The following FARP1 variants were observed in gnomAD, a reference collection of about 807,000 sequenced individuals.
FARP1 encodes FERM, ARHGEF and pleckstrin domain-containing protein 1.
In FARP1, 52 loss-of-function variants were observed where a neutral mutation model predicts 128.8. The observed-to-expected ratio is 0.40, with a 90% CI of 0.32 to 0.51. FARP1 has a LOEUF of 0.51. FARP1 is among the 20% of genes least tolerant of loss of function. The pLI is 0.45. For missense variants in FARP1, 1,333 were observed against 1,367.9 expected (o/e 0.97, Z 0.40); for synonymous variants, 580 against 551.8 (o/e 1.05, Z -0.72).
chr13:98,290,914 C>T (rs1044682864), intron 2 of FARP1, among the ~76,000 whole-genome samples: 2 of 152,052 alleles, frequency 1.3e-5, no homozygotes, highest in Non-Finnish European at 2.9e-5. Flanking sequence ...AACATTAGCC[C>T]CTGAATTTTA....
At chr13:98,202,056 C>T (rs1440631690) in intron 1 of FARP1, among the ~76,000 whole-genome samples, 2 of 152,230 alleles carry the variant, frequency 1.3e-5, no homozygotes, top group African/African-American at 4.8e-5. Flanking sequence ...TTTGAACTTT[C>T]TCAAAACCCC....
chr13:98,352,308 C>T (rs1888468796), intron 3 of FARP1, among the ~76,000 whole-genome samples: 1 of 152,158 alleles, frequency 6.6e-6, no homozygotes, highest in South Asian at 2.1e-4. Context: ...CACTGGAAAT[C>T]ACAGGGAAAT....
At chr13:98,207,541 C>G (rs964828226) in intron 1 of FARP1, among the ~76,000 whole-genome samples, 2 of 151,938 alleles carry the variant, frequency 1.3e-5, no homozygotes, top group Non-Finnish European at 2.9e-5. Flanking sequence ...CTGCCGTCAT[C>G]GGCTCCCTGG....
chr13:98,444,562 T>C (rs1332114684), intron 24 of FARP1, among the ~76,000 whole-genome samples: 1 of 152,128 alleles, frequency 6.6e-6, no homozygotes, highest in Non-Finnish European at 1.5e-5. Flanking sequence ...CGTAACACGC[T>C]GGAGGCCAGG....
At chr13:98,438,305 T>G (rs1037038493) in intron 19 of FARP1, among the ~76,000 whole-genome samples, 1 of 152,156 alleles carries the variant, frequency 6.6e-6, no homozygotes, top group Non-Finnish European at 1.5e-5. Flanking sequence ...AGTGCTCCCA[T>G]GTGGCCTCTC....
At position 98,453,271 on chromosome 13, in the gene FARP1, C is replaced by T. The variant is rs1893286749; in HGVS notation, c.*4954C>T. 1 of 1,518,806 alleles carries T rather than the reference C, an allele frequency of 6.6e-7. No individual in the cohort carries two copies. The highest frequency in any genetic ancestry group is 1.4e-5 in the African/African-American group (1 of 71,546). The allele number at this position is 1,518,806 out of a possible 1,614,324, so 94.1% of individuals were successfully genotyped here. A position where few individuals can be genotyped will look rare whatever the true frequency, so the allele number is the denominator to read the frequency against. On this transcript the variant is annotated 3_prime_UTR_variant, in exon 27 of 27. Coordinates refer to ENST00000319562, the MANE Select transcript of FARP1 (RefSeq NM_005766.4). Reference sequence around the variant, plus strand: ...CATTTCTCATCCCTGTGCAAAAATTCATATAGTAACCAAAATCTTAGTTTT... The same window carrying T: ...CATTTCTCATCCCTGTGCAAAAATTTATATAGTAACCAAAATCTTAGTTTT...
chr13:98,403,606 C>G (rs1420417469), intron 13 of FARP1: 1 of 152,110 alleles, frequency 6.6e-6, no homozygotes, highest in Non-Finnish European at 1.5e-5. Context: ...TTCTGATGGC[C>G]AAGGAGCTGT....
At chr13:98,417,736 A>G (rs1891441944) in intron 16 of FARP1, among the ~76,000 whole-genome samples, 1 of 152,232 alleles carries the variant, frequency 6.6e-6, no homozygotes, top group Admixed American at 6.5e-5. Flanking sequence ...AGGGAGCAGC[A>G]TTGTGTTGCC....
chr13:98,394,315 G>T (rs1890427199), intron 12 of FARP1, among the ~76,000 whole-genome samples: 1 of 152,156 alleles, frequency 6.6e-6, no homozygotes, highest in African/African-American at 2.4e-5. Flanking sequence ...TATAAAGGAG[G>T]TTTCATCGTG....
At chr13:98,232,873 C>G (rs1318798712) in intron 2 of FARP1, among the ~76,000 whole-genome samples, 1 of 152,176 alleles carries the variant, frequency 6.6e-6, no homozygotes, top group Non-Finnish European at 1.5e-5. Flanking sequence ...AAATCAATCT[C>G]TAATGGTTTC....
chr13:98,411,761 G>C (rs1292933626), intron 15 of FARP1, 140 bp from the exon 16 acceptor site: 1 of 843,536 alleles, frequency 1.2e-6, no homozygotes, highest in East Asian at 2.5e-5. Context: ...GGGCAGCCCC[G>C]TGTTCCTGAA....
Position 98,440,773 on chromosome 13 carries a change from G to T in FARP1, c.2733G>T (p.Met911Ile). Reference sequence around the variant, plus strand: ...AGGCCCCGCACCGCGGCAACACAATGGTGCACGTGTGCTGGCACCGCAACA... The same window carrying T: ...AGGCCCCGCACCGCGGCAACACAATTGTGCACGTGTGCTGGCACCGCAACA... ...ERQAPHRGNT[M>I]VHVCWHRNTS... The change falls in exon 24 of 27, where the codon ATG (methionine) becomes ATT (isoleucine). Residue 911 changes from methionine (M) to isoleucine (I), a missense_variant. Physicochemically the swap from Met to Ile is conservative, Grantham distance 10. This residue lies in a region of FARP1 where 1,009 missense variants were observed against 969.8 expected (regional missense o/e 1.04). Coordinates refer to ENST00000319562, the MANE Select transcript of FARP1 (RefSeq NM_005766.4). 1 of 1,613,240 alleles carries T rather than the reference G, an allele frequency of 6.2e-7. No homozygotes were observed. Among genetic ancestry groups the T allele is most frequent in the Non-Finnish European group, 8.5e-7 (1 of 1,179,932 alleles).
At chr13:98,224,526 C>CAA (rs1203238924) in intron 2 of FARP1, among the ~76,000 whole-genome samples, 585 of 50,168 alleles carry the variant, frequency 0.012, 10 homozygotes, top group African/African-American at 0.031. Flanking sequence ...GACTCTGTCT[C>CAA]AAAAAAAAAA....
intron 2 of FARP1, among the ~76,000 whole-genome samples, chr13:98,230,314 C>T (rs1259638552): frequency 2.0e-5 from 3 of 152,110 alleles, no homozygotes; most frequent in African/African-American, 7.3e-5. Context: ...CCCTAACCCT[C>T]CGAGTTCCTT....
rs952970250 is a variant in FARP1, at chr13:98,258,458, C to T, written c.171+45045C>T. On this transcript the variant is annotated intron_variant, in intron 2 of 26. Transcript: ENST00000319562. ...CTGGTAATACACCAGACCACGTGAG[C>T]ATCGTGTTTGCTAATTTGTGACCTT... 2.6e-5 allele frequency among the ~76,000 whole-genome samples: 4 copies of T among 152,254 alleles called. No individual in the cohort carries two copies. The East Asian group carries it at 7.7e-4, about 29-fold the overall frequency.
intron 3 of FARP1, among the ~76,000 whole-genome samples, chr13:98,346,740 A>T (rs1008812047): frequency 2.0e-5 from 3 of 152,042 alleles, no homozygotes; most frequent in African/African-American, 7.2e-5. Context: ...GTGAGATTCC[A>T]TCTCAAAAAA....
intron 13 of FARP1, chr13:98,398,169 C>T (rs1890628050): frequency 6.6e-6 from 1 of 152,136 alleles, no homozygotes; most frequent in South Asian, 2.1e-4. Flanking sequence ...GTCCAGAAGT[C>T]GGTTTTAAAG....
At chr13:98,365,740 C>A (rs566329054) in intron 4 of FARP1, among the ~76,000 whole-genome samples, 1 of 152,218 alleles carries the variant, frequency 6.6e-6, no homozygotes, top group South Asian at 2.1e-4. Flanking sequence ...TGCCATTGTT[C>A]CTTTCTGTCA....
intron 2 of FARP1, among the ~76,000 whole-genome samples, chr13:98,337,436 A>T (rs1431570589): frequency 3.3e-5 from 5 of 152,146 alleles, no homozygotes; most frequent in Non-Finnish European, 5.9e-5. Flanking sequence ...CTCATTTGTC[A>T]TCAGATCCTT....
Sources: gnomAD v4.1 joint callset for allele counts (sites outside exome capture counted in the v4.1 genomes callset) on GRCh38, gnomAD v4.1.1 for gene constraint, gnomAD v4.1.1 regional missense constraint, MANE v1.5 for transcripts, NCBI Gene and HGNC (gene_info 2026-07-23, HGNC 2026-07-21) for gene names.